The following ANLN variants were observed in gnomAD, a reference collection of about 807,000 sequenced individuals.
ANLN encodes anillin, actin binding protein.
In ANLN, 59 loss-of-function variants were observed where a neutral mutation model predicts 135.1. The observed-to-expected ratio is 0.44, with a 90% CI of 0.35 to 0.54. The LOEUF (loss-of-function observed/expected upper bound fraction) is 0.54. Among genes scored for constraint, ANLN ranks in the 20% least tolerant of loss-of-function variants. The pLI is 0.00. For synonymous variants in ANLN, 406 were observed against 456.4 expected, an observed-to-expected ratio of 0.89 and a Z score of 1.41; for missense variants, 1,182 against 1,340.0, an observed-to-expected ratio of 0.88 and a Z score of 1.84.
rs763439914 is a variant in ANLN at position 36,415,776 on chromosome 7, A to G, written c.1414A>G (p.Thr472Ala). The change falls in exon 8 of 24, where the codon ACT becomes GCT. Residue 472 changes from threonine to alanine, a missense_variant. Coordinates refer to ENST00000265748, the MANE Select transcript of ANLN (RefSeq NM_018685.5). ...ETKQETHCQS[T>A]PLKKHQGVSK... The stretch of plus-strand genomic sequence containing the variant: ...TTTGCAGGAAACTCACTGTCAGAGC[A>G]CTCCCCTCAAAAAACACCAAGGTGT... The G allele has an allele frequency of 3.1e-6, 5 of 1,602,626 alleles. No homozygotes were observed. The highest frequency in any genetic ancestry group is 4.3e-6 in the Non-Finnish European group (5 of 1,176,422).
At chr7:36,429,027 C>T (rs1197402922) in intron 20 of ANLN, among the ~76,000 whole-genome samples, 5 of 152,044 alleles carry the variant, frequency 3.3e-5, no homozygotes, top group African/African-American at 4.8e-5. Context: ...GATCAGCCCT[C>T]CTTGGCCTCC....
chr7:36,420,511 G>A, intron 11 of ANLN, 86 bp from the exon 12 acceptor site: 1 of 1,297,244 alleles, frequency 7.7e-7, no homozygotes, highest in Non-Finnish European at 1.1e-6. Flanking sequence ...TTCAATATCA[G>A]TGTCAAATTC....
chr7:36,447,537 G>T (rs1040455134), intron 22 of ANLN, among the ~76,000 whole-genome samples: 1 of 148,586 alleles, frequency 6.7e-6, no homozygotes, highest in African/African-American at 2.5e-5. Context: ...CCATTCTCCT[G>T]CCTTAGCCTC....
At chr7:36,435,490 G>A (rs7791211) in intron 20 of ANLN, among the ~76,000 whole-genome samples, 148,572 of 152,108 alleles carry the variant, frequency 0.98, 72,661 homozygotes, top group East Asian at 1. Context: ...CATGTGAGCC[G>A]CCATACCTGG....
chr7:36,434,032 G>C (rs960764491), intron 20 of ANLN, among the ~76,000 whole-genome samples: 1 of 151,976 alleles, frequency 6.6e-6, no homozygotes, highest in African/African-American at 2.4e-5. Flanking sequence ...TTTTCCCCTT[G>C]ATAAGCTCCG....
chr7:36,425,025 T>C (rs1365054430), intron 17 of ANLN, among the ~76,000 whole-genome samples: 1 of 152,162 alleles, frequency 6.6e-6, no homozygotes, highest in African/African-American at 2.4e-5. Flanking sequence ...CTCAAGACTT[T>C]TCCCTGAGCC....
chr7:36,397,691 T>C (rs1165798834), intron 2 of ANLN, among the ~76,000 whole-genome samples: 4 of 152,190 alleles, frequency 2.6e-5, no homozygotes, highest in Non-Finnish European at 5.9e-5. Flanking sequence ...GGTGGGCAGA[T>C]TGCTTGAGCT....
At chr7:36,421,625 A>G (rs1234888221) in intron 12 of ANLN, among the ~76,000 whole-genome samples, 2 of 152,194 alleles carry the variant, frequency 1.3e-5, no homozygotes, top group Admixed American at 1.3e-4. Flanking sequence ...TTTAACTTTA[A>G]TAAGTATGAA....
At chr7:36,390,713 T>G (rs1422919371) in intron 1 of ANLN, among the ~76,000 whole-genome samples, 1 of 152,202 alleles carries the variant, frequency 6.6e-6, no homozygotes, top group Non-Finnish European at 1.5e-5. Context: ...AAATAAACTT[T>G]TCGGTGTTTC....
chr7:36,402,764 C>A (rs1265800006), intron 3 of ANLN, among the ~76,000 whole-genome samples: 1 of 152,124 alleles, frequency 6.6e-6, no homozygotes, highest in Non-Finnish European at 1.5e-5. Context: ...ACTAGATTAT[C>A]TCCATTCTCT....
chr7:36,421,699 TG>T (rs1211404766), intron 12 of ANLN, among the ~76,000 whole-genome samples, 157 bp from the exon 13 acceptor site: 1 of 152,262 alleles, frequency 6.6e-6, no homozygotes, highest in African/African-American at 2.4e-5. Context: ...TAAATGTTTT[TG>T]GTGCATAGTC....
At chr7:36,410,463 T>C in intron 5 of ANLN, 51 bp from the exon 6 acceptor site, 1 of 1,468,284 alleles carries the variant, frequency 6.8e-7, no homozygotes, top group Non-Finnish European at 9.1e-7. Context: ...ATAGAAATCG[T>C]AATAATTTTT....
At chr7:36,435,152 A>G (rs1788475302) in intron 20 of ANLN, among the ~76,000 whole-genome samples, 1 of 152,204 alleles carries the variant, frequency 6.6e-6, no homozygotes, top group Admixed American at 6.5e-5. Flanking sequence ...AGTTAATTAT[A>G]GACACCTTAA....
At chr7:36,417,952 G>C (rs1248556342) in intron 9 of ANLN, among the ~76,000 whole-genome samples, 1 of 152,120 alleles carries the variant, frequency 6.6e-6, no homozygotes, top group Non-Finnish European at 1.5e-5. Flanking sequence ...TGGGATTACA[G>C]GCGTGAGCCA....
chr7:36,424,283 T>C (rs1430747003), intron 15 of ANLN, among the ~76,000 whole-genome samples: 2 of 152,176 alleles, frequency 1.3e-5, no homozygotes, highest in Non-Finnish European at 2.9e-5. Flanking sequence ...TAGTGAAACA[T>C]TTATTTTTAA....
At chr7:36,442,524 A>G (rs1788815099) in intron 21 of ANLN, among the ~76,000 whole-genome samples, 1 of 152,224 alleles carries the variant, frequency 6.6e-6, no homozygotes, top group Non-Finnish European at 1.5e-5. Context: ...TGGCCCTTAT[A>G]GAAAAGGTTT....
chr7:36,429,218 T>C (rs1788213076), intron 20 of ANLN, among the ~76,000 whole-genome samples: 2 of 152,172 alleles, frequency 1.3e-5, no homozygotes, highest in South Asian at 4.2e-4. Context: ...GGAAGACTTT[T>C]TAAAGTTTTT....
intron 7 of ANLN, among the ~76,000 whole-genome samples, chr7:36,412,940 T>C (rs1704093829): frequency 6.6e-6 from 1 of 151,662 alleles, no homozygotes; most frequent in Non-Finnish European, 1.5e-5. Flanking sequence ...CTCTAGGAAT[T>C]CTTCCTTTTC....
chr7:36,446,317 T>C (rs984277923), intron 22 of ANLN, among the ~76,000 whole-genome samples: 1 of 152,238 alleles, frequency 6.6e-6, no homozygotes. Context: ...ATTTTTTTTT[T>C]CATCTGAATA....
Sources: gnomAD v4.1 joint callset for allele counts (sites outside exome capture counted in the v4.1 genomes callset) on GRCh38, gnomAD v4.1.1 for gene constraint, MANE v1.5 for transcripts, NCBI Gene and HGNC (gene_info 2026-07-23, HGNC 2026-07-21) for gene names.